RGS6: variants seen among roughly 807,000 people sequenced by gnomAD.
RGS6 encodes regulator of G protein signaling 6.
A neutral mutation model predicts 78.5 loss-of-function variants in RGS6; 30 were observed. That is an observed-to-expected ratio of 0.38 (90% CI 0.29 to 0.52). The LOEUF (loss-of-function observed/expected upper bound fraction) is 0.52. Ranked by LOEUF, RGS6 falls within the 20% of genes least tolerant of loss-of-function variation. RGS6 has a pLI of 0.85. For synonymous variants in RGS6, 206 were observed against 206.0 expected (o/e 1.00, Z 0.00); for missense variants, 495 against 609.7 (o/e 0.81, Z 1.98).
intron 2 of RGS6, among the ~76,000 whole-genome samples, chr14:72,203,572 G>A (rs1056823402): frequency 6.6e-6 from 1 of 152,098 alleles, no homozygotes; most frequent in Non-Finnish European, 1.5e-5. Flanking sequence ...CATGGCTGTT[G>A]GCTGACCTCA....
At chr14:72,265,050 A>G (rs1018806582) in intron 2 of RGS6, among the ~76,000 whole-genome samples, 21 of 152,304 alleles carry the variant, frequency 1.4e-4, no homozygotes, top group African/African-American at 4.6e-4. Context: ...GCTGTTATCA[A>G]TGTGGGAGAA....
chr14:72,281,014 G>A (rs1351936096), intron 2 of RGS6, among the ~76,000 whole-genome samples: 1 of 152,166 alleles, frequency 6.6e-6, no homozygotes, highest in Admixed American at 6.5e-5. Flanking sequence ...GAAAAGAAGT[G>A]TAAACATGAC....
At chr14:72,558,931 C>T (rs1173650645) in intron 17 of RGS6, among the ~76,000 whole-genome samples, 1 of 152,238 alleles carries the variant, frequency 6.6e-6, no homozygotes, top group Non-Finnish European at 1.5e-5. Flanking sequence ...CTGCTTCGCT[C>T]AGCTACGCCA....
intron 2 of RGS6, among the ~76,000 whole-genome samples, chr14:72,146,017 A>G (rs1269163044): frequency 1.3e-5 from 2 of 152,180 alleles, no homozygotes; most frequent in Non-Finnish European, 2.9e-5. Flanking sequence ...TTTATTTTTT[A>G]CGGTTCCAGA....
At chr14:72,184,883 T>C (rs2097218934) in intron 2 of RGS6, among the ~76,000 whole-genome samples, 1 of 152,194 alleles carries the variant, frequency 6.6e-6, no homozygotes, top group Non-Finnish European at 1.5e-5. Flanking sequence ...TAGATGTACA[T>C]ATGAAAGGGA....
At chr14:72,175,434 A>G (rs1354541534) in intron 2 of RGS6, among the ~76,000 whole-genome samples, 1 of 152,208 alleles carries the variant, frequency 6.6e-6, no homozygotes, top group East Asian at 1.9e-4. Context: ...TGACCTATCT[A>G]TACTGACTTG....
At chr14:72,141,965 T>A (rs527901054) in intron 2 of RGS6, among the ~76,000 whole-genome samples, 1 of 151,766 alleles carries the variant, frequency 6.6e-6, no homozygotes, top group Non-Finnish European at 1.5e-5. Flanking sequence ...ATCCATTAAA[T>A]ACATATTGAA....
chr14:72,629,850 ACGTAGGG>A, the RGS6 span: 1 of 867,788 alleles, frequency 1.2e-6, no homozygotes, highest in Admixed American at 2.2e-5. Context: ...GGGTAGCATG[ACGTAGGG>A]AAAAAAATGG....
the RGS6 span, among the ~76,000 whole-genome samples, chr14:72,597,470 C>T: frequency 1.3e-5 from 2 of 152,208 alleles, no homozygotes. Context: ...CAGGCAGCCA[C>T]GTTTCTCCTA....
chr14:72,488,151 C>A (rs2239274), intron 12 of RGS6, among the ~76,000 whole-genome samples: 19 of 152,248 alleles, frequency 1.2e-4, no homozygotes, highest in South Asian at 1.2e-3. Flanking sequence ...CAATAAATTT[C>A]CCTTCCGACC....
chr14:72,084,779 C>G (rs935392413), intron 2 of RGS6, among the ~76,000 whole-genome samples: 12 of 151,530 alleles, frequency 7.9e-5, no homozygotes, highest in Admixed American at 6.6e-4. Flanking sequence ...ATATAAAAAA[C>G]GAAGACACTA....
rs72724041 is a variant in RGS6 at position 72,337,151 on chromosome 14, A to G, written c.85-14944A>G. On this transcript the variant is annotated intron_variant, in intron 2 of 17. Coordinates refer to ENST00000553525, the MANE Select transcript of RGS6 (RefSeq NM_001204424.2). Reference sequence around the variant, plus strand: ...CATCAGGCAAAGCTCCTGGAAGCAGATGGAGCCACCATTAGGAAAGTTTCC... The same window carrying G: ...CATCAGGCAAAGCTCCTGGAAGCAGGTGGAGCCACCATTAGGAAAGTTTCC... Among the ~76,000 whole-genome samples the G allele has an allele frequency of 7.4e-3, 1,123 of 152,178 alleles. 4 individuals carry two copies. The highest frequency in any genetic ancestry group is 0.013 in the Non-Finnish European group (882 of 68,004).
chr14:72,219,237 C>T (rs751545245), intron 2 of RGS6, among the ~76,000 whole-genome samples: 2 of 152,006 alleles, frequency 1.3e-5, no homozygotes, highest in African/African-American at 2.4e-5. Context: ...TGCACGTGAC[C>T]ATGAATGACC....
intron 2 of RGS6, among the ~76,000 whole-genome samples, chr14:72,086,936 C>G (rs540614093): frequency 6.6e-6 from 1 of 152,260 alleles, no homozygotes; most frequent in East Asian, 1.9e-4. Flanking sequence ...CTAATGAGCA[C>G]CATCCCCCAA....
At chr14:72,105,874 A>T (rs2153535127) in intron 2 of RGS6, among the ~76,000 whole-genome samples, 1 of 152,326 alleles carries the variant, frequency 6.6e-6, no homozygotes, top group Middle Eastern at 3.4e-3. Flanking sequence ...TTGTAGAGAG[A>T]TACCCAGGTG....
At chr14:72,059,598 C>T (rs2093789980) in intron 2 of RGS6, among the ~76,000 whole-genome samples, 1 of 152,076 alleles carries the variant, frequency 6.6e-6, no homozygotes, top group Non-Finnish European at 1.5e-5. Flanking sequence ...GCATGTGTTA[C>T]CTCTTGTTAT....
At chr14:72,609,451 G>A in the RGS6 span, among the ~76,000 whole-genome samples, 2 of 152,290 alleles carry the variant, frequency 1.3e-5, no homozygotes, top group East Asian at 3.9e-4. Flanking sequence ...CAGCTCTCTG[G>A]GAATCACAGA....
At chr14:72,459,508 TG>T in intron 5 of RGS6, 123 bp from the exon 6 acceptor site, 2 of 833,006 alleles carry the variant, frequency 2.4e-6, no homozygotes, top group Non-Finnish European at 4.0e-6. Flanking sequence ...GAGAGAATTG[TG>T]GGGTAGCATC....
intron 2 of RGS6, among the ~76,000 whole-genome samples, chr14:72,158,380 G>T (rs750035099): frequency 9.2e-5 from 14 of 152,246 alleles, no homozygotes; most frequent in Non-Finnish European, 1.3e-4. Flanking sequence ...AATTACCTCT[G>T]AAAAGATCCT....
Sources: gnomAD v4.1 joint callset for allele counts (sites outside exome capture counted in the v4.1 genomes callset) on GRCh38, gnomAD v4.1.1 for gene constraint, MANE v1.5 for transcripts, NCBI Gene and HGNC (gene_info 2026-07-23, HGNC 2026-07-21) for gene names.